RETREG3: variants seen among roughly 807,000 people sequenced by gnomAD.
RETREG3 encodes reticulophagy regulator family member 3, also known as reticulophagy regulator 3.
A neutral mutation model predicts 50.2 loss-of-function variants in RETREG3; 23 were observed. The ratio of observed to expected loss-of-function variants is 0.46; its 90% confidence interval spans 0.33 to 0.65. RETREG3 has a LOEUF of 0.65. Ranked by LOEUF, RETREG3 falls within the 30% of genes least tolerant of loss-of-function variation. The pLI, the probability that RETREG3 is intolerant of heterozygous loss-of-function variation, is 0.02. For synonymous variants in RETREG3, 240 were observed against 234.4 expected (o/e 1.02, Z -0.22); for missense variants, 546 against 598.0 (o/e 0.91, Z 0.91).
intron 1 of RETREG3, among the ~76,000 whole-genome samples, chr17:42,593,167 TA>T (rs1217702136): frequency 6.6e-6 from 1 of 152,150 alleles, no homozygotes; most frequent in Admixed American, 6.6e-5. Context: ...AATATAGATG[TA>T]AAAATCTTCA....
At chr17:42,587,907 A>C (rs1214547427) in intron 2 of RETREG3, 43 bp from the exon 3 acceptor site, 1 of 1,612,248 alleles carries the variant, frequency 6.2e-7, no homozygotes, top group East Asian at 2.2e-5. Context: ...GGTAGGGAAA[A>C]CTAAACATGA....
chr17:42,581,553 A>G lies in RETREG3; in HGVS notation c.*260T>C, dbSNP rs1263130412. On this transcript the variant is annotated 3_prime_UTR_variant, in exon 9 of 9. Coordinates refer to ENST00000309428, the MANE Select transcript of RETREG3 (RefSeq NM_178126.4). Reference sequence around the variant, plus strand: ...ATATCCCTGACTATTTTGTTCCCCCAAAGTACCATCCTGATGGAGAGAAGC... The same window carrying G: ...ATATCCCTGACTATTTTGTTCCCCCGAAGTACCATCCTGATGGAGAGAAGC... The G allele has an allele frequency of 2.3e-5, 10 of 429,562 alleles. No homozygotes were observed. The highest frequency in any genetic ancestry group is 6.0e-5 in the African/African-American group (3 of 49,784). The allele number at this position is 429,562 out of a possible 1,614,324, so 26.6% of individuals were successfully genotyped here. A position where few individuals can be genotyped will look rare whatever the true frequency, so the allele number is the denominator to read the frequency against.
chr17:42,608,523 G>A (rs2093172612), intron 1 of RETREG3: 1 of 152,154 alleles, frequency 6.6e-6, no homozygotes, highest in South Asian at 2.1e-4. Flanking sequence ...TTCTTTAAAA[G>A]CTTGTAATTT....
intron 1 of RETREG3, among the ~76,000 whole-genome samples, chr17:42,597,849 C>T (rs955983550): frequency 1.3e-5 from 2 of 150,644 alleles, no homozygotes; most frequent in Admixed American, 6.6e-5. Flanking sequence ...AGGCTGGTCT[C>T]GAATCCCTGA....
intron 2 of RETREG3, among the ~76,000 whole-genome samples, chr17:42,590,393 T>C (rs916645396): frequency 2.0e-5 from 3 of 151,918 alleles, no homozygotes; most frequent in Non-Finnish European, 4.4e-5. Flanking sequence ...AGAATAGGGC[T>C]GGGCGCGGTG....
chr17:42,593,242 G>A (rs893433959), intron 1 of RETREG3, among the ~76,000 whole-genome samples: 2 of 152,068 alleles, frequency 1.3e-5, no homozygotes, highest in East Asian at 3.8e-4. Context: ...GAACAAATGA[G>A]ATTTATCCCA....
Position 42,592,182 on chromosome 17 carries a change from GAAGA to G in RETREG3, c.240-24_240-21del. On this transcript the variant is annotated intron_variant, in intron 1 of 8. Coordinates refer to ENST00000309428, the MANE Select transcript of RETREG3 (RefSeq NM_178126.4). ...AAAAACCTACAGAGGAAGAAAAACA[GAAGA>G]AAGATCATTTACCTAGTTATCCTAA... 6.3e-7 allele frequency: 1 copy of G among 1,599,336 alleles called. No homozygotes were observed. Among genetic ancestry groups the G allele is most frequent in the Non-Finnish European group, 8.6e-7 (1 of 1,168,628 alleles).
chr17:42,597,128 C>T (rs2093146780), intron 1 of RETREG3, among the ~76,000 whole-genome samples: 1 of 151,954 alleles, frequency 6.6e-6, no homozygotes, highest in Non-Finnish European at 1.5e-5. Context: ...CCCGCTTCGA[C>T]CTCCCAAAGT....
intron 1 of RETREG3, among the ~76,000 whole-genome samples, chr17:42,594,964 T>G (rs1003919843): frequency 1.9e-4 from 25 of 130,746 alleles, no homozygotes; most frequent in African/African-American, 7.6e-4. Context: ...TTTTTTTTAC[T>G]TTTTTTTTTT....
Position 42,582,157 on chromosome 17 carries a change from T to G in RETREG3, c.1057A>C (p.Met353Leu). The change falls in exon 9 of 9, where the codon ATG (methionine) becomes CTG (leucine). Residue 353 changes from methionine to leucine, a missense_variant. Physicochemically the swap from Met to Leu is conservative, Grantham distance 15. Transcript: ENST00000309428. ...LDDEDDTSIG[M>L]PSLMYRSPPG... Reference sequence around the variant, plus strand: ...GGAGAACGGTACATCAAGCTGGGCATGCCAATGCTAGTGTCGTCCTCATCA... The same window carrying G: ...GGAGAACGGTACATCAAGCTGGGCAGGCCAATGCTAGTGTCGTCCTCATCA... 1 of 1,614,052 alleles carries G rather than the reference T, an allele frequency of 6.2e-7. No individual in the cohort carries two copies. Among genetic ancestry groups the G allele is most frequent in the Non-Finnish European group, 8.5e-7 (1 of 1,180,030 alleles).
chr17:42,594,963 CTTTTTT>C (rs777063995), intron 1 of RETREG3, among the ~76,000 whole-genome samples: 3 of 125,284 alleles, frequency 2.4e-5, no homozygotes, highest in African/African-American at 9.0e-5. Context: ...TTTTTTTTTA[CTTTTTT>C]TTTTTTTTTT....
intron 1 of RETREG3, among the ~76,000 whole-genome samples, chr17:42,601,616 A>C (rs1366372658): frequency 7.0e-6 from 1 of 142,376 alleles, no homozygotes; most frequent in Non-Finnish European, 1.5e-5. Context: ...AAATAAACTA[A>C]GAAGGTTCCA....
chr17:42,590,792 C>T (rs1332933447), intron 2 of RETREG3, among the ~76,000 whole-genome samples: 1 of 152,146 alleles, frequency 6.6e-6, no homozygotes, highest in African/African-American at 2.4e-5. Flanking sequence ...CATGGTAAAA[C>T]CCCGTCTCTA....
chr17:42,600,485 G>A (rs1279084701), intron 1 of RETREG3, among the ~76,000 whole-genome samples: 1 of 152,144 alleles, frequency 6.6e-6, no homozygotes, highest in East Asian at 1.9e-4. Context: ...GATGGCAGAT[G>A]TTTCTTAAAG....
chr17:42,604,766 T>G (rs1044923010), intron 1 of RETREG3, among the ~76,000 whole-genome samples: 2 of 150,938 alleles, frequency 1.3e-5, no homozygotes, highest in Admixed American at 1.3e-4. Context: ...TATCTCTTCA[T>G]GTTAGGTGGG....
rs148592159 is a variant in RETREG3, at chr17:42,609,335, C to A, written c.-11G>T. On this transcript the variant is annotated 5_prime_UTR_variant, in exon 1 of 9. Coordinates refer to ENST00000309428, the MANE Select transcript of RETREG3 (RefSeq NM_178126.4). ...TTCGGCCTCAGCCATCTCCCCGCGGCAGCCACAACATCCGGGGCCGTGGCC... is the reference window on the plus strand; with the variant it reads ...TTCGGCCTCAGCCATCTCCCCGCGGAAGCCACAACATCCGGGGCCGTGGCC... The A allele has an allele frequency of 2.8e-3, 4,496 of 1,592,866 alleles. 115 individuals carry two copies. In the African/African-American group the frequency reaches 0.052, roughly 19 times the overall value.
At chr17:42,589,759 T>C (rs1167105175) in intron 2 of RETREG3, among the ~76,000 whole-genome samples, 1 of 152,174 alleles carries the variant, frequency 6.6e-6, no homozygotes, top group Non-Finnish European at 1.5e-5. Flanking sequence ...TTGATCTTCC[T>C]TATTCACAGC....
At chr17:42,583,704 A>G (rs2093115019) in intron 6 of RETREG3, 124 bp from the exon 7 acceptor site, 1 of 796,576 alleles carries the variant, frequency 1.3e-6, no homozygotes, top group Middle Eastern at 3.0e-4. Flanking sequence ...CTAAGCCTAC[A>G]TAATAATAAC....
At chr17:42,596,207 TAAAA>T (rs759156702) in intron 1 of RETREG3, among the ~76,000 whole-genome samples, 2 of 139,658 alleles carry the variant, frequency 1.4e-5, no homozygotes, top group East Asian at 4.1e-4. Context: ...TGTCTCTATT[TAAAA>T]AAAAAAAAAA....
Sources: allele counts gnomAD v4.1 joint callset (sites outside exome capture counted in the v4.1 genomes callset), GRCh38; gene constraint gnomAD v4.1.1; transcripts MANE v1.5; gene names NCBI Gene and HGNC (gene_info 2026-07-23, HGNC 2026-07-21).